Variants in MAP3K2 observed in about 807,000 individuals in gnomAD.
The protein encoded by MAP3K2 is MAP/ERK kinase kinase 2.
A neutral mutation model predicts 80.3 loss-of-function variants in MAP3K2; 24 were observed. That is an observed-to-expected ratio of 0.30 (90% CI 0.22 to 0.42). The LOEUF (loss-of-function observed/expected upper bound fraction) is 0.42, where lower values mean the gene tolerates loss of function less well. Among genes scored for constraint, MAP3K2 ranks in the 10% least tolerant of loss-of-function variants. The pLI is 1.00. For synonymous variants in MAP3K2, 244 were observed against 253.7 expected (o/e 0.96, Z 0.36); for missense variants, 608 against 750.1 (o/e 0.81, Z 2.21).
Position 127,387,763 on chromosome 2 carries a change from A to T in MAP3K2, c.-377T>A. On this transcript the variant is annotated 5_prime_UTR_variant, in exon 1 of 17. Coordinates refer to ENST00000682094, the MANE Select transcript of MAP3K2 (RefSeq NM_001371910.2). ...GAGGCCCGCGGGAACTGGGCAGGAA[A>T]GGAGGAAGCCGCGGGCCCGCGTCGC... The T allele has an allele frequency of 4.1e-6, 4 of 985,072 alleles. No homozygotes were observed. Among genetic ancestry groups the T allele is most frequent in the Non-Finnish European group, 4.8e-6 (4 of 829,764 alleles). The allele number at this position is 985,072 out of a possible 1,614,324, so 61.0% of individuals were successfully genotyped here. A position where few individuals can be genotyped will look rare whatever the true frequency, so the allele number is the denominator to read the frequency against.
At position 127,343,161 on chromosome 2, in the gene MAP3K2, G is replaced by C. The variant is rs1426004212; in HGVS notation, c.-32C>G. ...AAACAGCTCAACAATTTGAAAATTA[G>C]GAAAATGGTTCTCCCATCAGCATTC... On this transcript the variant is annotated 5_prime_UTR_variant, in exon 2 of 17. Coordinates refer to ENST00000682094, the MANE Select transcript of MAP3K2 (RefSeq NM_001371910.2). 1.3e-6 allele frequency: 2 copies of C among 1,544,318 alleles called. No homozygotes were observed. The highest frequency in any genetic ancestry group is 2.4e-5 in the South Asian group (2 of 83,314).
intron 14 of MAP3K2, among the ~76,000 whole-genome samples, chr2:127,315,155 A>G (rs754265294): frequency 5.6e-4 from 85 of 152,350 alleles, no homozygotes; most frequent in Non-Finnish European, 9.1e-4. Context: ...AGTTCGAAAC[A>G]TGAGAACATA....
At position 127,301,560 on chromosome 2, in the gene MAP3K2, A is replaced by C. The variant is rs1685592858; in HGVS notation, c.*6019T>G. ...ATTATTTTGGCTATGTGTACAGGGAATATAAAAGCTTTGGTTTAAAGTGAT... is the reference window on the plus strand; with the variant it reads ...ATTATTTTGGCTATGTGTACAGGGACTATAAAAGCTTTGGTTTAAAGTGAT... On this transcript the variant is annotated 3_prime_UTR_variant, in exon 17 of 17. Transcript: ENST00000682094. The C allele has an allele frequency of 6.6e-6, 1 of 152,222 alleles. No individual in the cohort carries two copies. The highest frequency in any genetic ancestry group is 2.1e-4 in the South Asian group (1 of 4,832). 9.4% of individuals were successfully genotyped at this position (152,222 alleles called of 1,614,324 possible).
chr2:127,354,474 T>C (rs1302216041), intron 1 of MAP3K2, among the ~76,000 whole-genome samples: 1 of 152,078 alleles, frequency 6.6e-6, no homozygotes, highest in Non-Finnish European at 1.5e-5. Context: ...ATCATGATTG[T>C]CAGACTGTCA....
At chr2:127,319,262 CCT>C (rs1685967711) in intron 12 of MAP3K2, among the ~76,000 whole-genome samples, 2 of 151,642 alleles carry the variant, frequency 1.3e-5, no homozygotes, top group Non-Finnish European at 2.9e-5. Context: ...AAACCCTACC[CCT>C]GAGAGAGAGG....
intron 1 of MAP3K2, among the ~76,000 whole-genome samples, chr2:127,348,403 C>A (rs1266790602): frequency 3.3e-5 from 5 of 151,952 alleles, no homozygotes; most frequent in Admixed American, 6.6e-5. Flanking sequence ...AATAAATAAA[C>A]AAATAAATAA....
chr2:127,359,620 G>C (rs1686852036), intron 1 of MAP3K2, among the ~76,000 whole-genome samples: 1 of 152,210 alleles, frequency 6.6e-6, no homozygotes, highest in African/African-American at 2.4e-5. Flanking sequence ...ATGTTGAAAT[G>C]TAAGCCCCAA....
chr2:127,361,417 AAAAG>A (rs1287624725), intron 1 of MAP3K2, among the ~76,000 whole-genome samples: 4 of 152,188 alleles, frequency 2.6e-5, no homozygotes, highest in Admixed American at 2.6e-4. Context: ...CAGAATGAAT[AAAAG>A]AAATAATACT....
chr2:127,377,520 A>G (rs1442257609), intron 1 of MAP3K2, among the ~76,000 whole-genome samples: 1 of 152,146 alleles, frequency 6.6e-6, no homozygotes, highest in Non-Finnish European at 1.5e-5. Context: ...AATATGAGCA[A>G]TGTGGAGGCA....
rs761090455 is a variant in MAP3K2 at position 127,322,203 on chromosome 2, C to T, written c.888G>A (p.Arg296=). 2.5e-6 allele frequency: 4 copies of T among 1,613,840 alleles called. No homozygotes were observed. In the East Asian group the frequency reaches 8.9e-5, roughly 36 times the overall value. Residue 296 remains arginine, a synonymous_variant, in exon 12 of 17, where the codon CGG becomes CGA. Coordinates refer to ENST00000682094, the MANE Select transcript of MAP3K2 (RefSeq NM_001371910.2). This position sits in a 1 kb window ranked among gnomAD's most constrained non-coding sequence, Gnocchi z 4.2. ...CAGTAGGACTGAAACTCACAGGAGA[C>T]CGTAAGCTGGTCCCCTGGGTCCTTC... ...RARRTQGTSL[R]SPVSFSPTDH...
chr2:127,338,951 G>A lies in MAP3K2; in HGVS notation c.104C>T (p.Ser35Phe). The A allele has an allele frequency of 1.2e-6, 2 of 1,607,984 alleles. No individual in the cohort carries two copies. Among genetic ancestry groups the A allele is most frequent in the Non-Finnish European group, 8.5e-7 (1 of 1,177,096 alleles). ...LSLQETRKAK[S>F]SSPKKQNDVR... ...AAATACCTGTTTTTTTGGTGATGAA[G>A]ATTTTGCTTTTCTGGTTTCCTGCAA... Residue 35 changes from serine to phenylalanine, a missense_variant, in exon 3 of 17, where the codon TCT (serine) becomes TTT (phenylalanine). Physicochemically the swap from Ser to Phe is radical, Grantham distance 155 (BLOSUM62 -2). Transcript: ENST00000682094.
At chr2:127,375,890 T>A (rs1687143443) in intron 1 of MAP3K2, among the ~76,000 whole-genome samples, 1 of 151,964 alleles carries the variant, frequency 6.6e-6, no homozygotes, top group Non-Finnish European at 1.5e-5. Flanking sequence ...AGTAACAATA[T>A]AGGTCACTCC....
intron 1 of MAP3K2, among the ~76,000 whole-genome samples, chr2:127,355,364 G>A (rs1232217812): frequency 6.6e-6 from 1 of 152,084 alleles, no homozygotes; most frequent in African/African-American, 2.4e-5. Flanking sequence ...TAAAGTAAAG[G>A]TATACCTGAG....
In MAP3K2 at chr2:127,307,219, C is replaced by T. The variant is rs976598901; in HGVS notation, c.*360G>A. 6.4e-6 allele frequency: 1 copy of T among 155,796 alleles called. No individual in the cohort carries two copies. The highest frequency in any genetic ancestry group is 1.4e-5 in the Non-Finnish European group (1 of 70,302). 9.7% of individuals were successfully genotyped at this position (155,796 alleles called of 1,614,324 possible). A position where few individuals can be genotyped will look rare whatever the true frequency, so the allele number is the denominator to read the frequency against. ...CTTGTTTTCCATGTCTTCCCATCGT[C>T]ACTGATGTGTCAGTGATAGAGGGAA... On this transcript the variant is annotated 3_prime_UTR_variant, in exon 17 of 17. Coordinates refer to ENST00000682094, the MANE Select transcript of MAP3K2 (RefSeq NM_001371910.2). This position sits in a 1 kb window ranked among gnomAD's most constrained non-coding sequence, Gnocchi z 5.4.
intron 1 of MAP3K2, among the ~76,000 whole-genome samples, chr2:127,370,950 T>C (rs929000655): frequency 6.6e-6 from 1 of 152,172 alleles, no homozygotes. Context: ...ACAAGGGATA[T>C]GCTACAGCTG....
chr2:127,369,468 T>TAAAAA (rs70985451), intron 1 of MAP3K2, among the ~76,000 whole-genome samples: 28 of 32,738 alleles, frequency 8.6e-4, no homozygotes, highest in Non-Finnish European at 1.3e-3. Flanking sequence ...CCGTCTCTAC[T>TAAAAA]AAAAAAAAAA....
rs143835170 is a variant in MAP3K2, at chr2:127,308,351, G to A, written c.1634+234C>T. Among the ~76,000 whole-genome samples, 516 of 152,304 alleles carry A rather than the reference G, an allele frequency of 3.4e-3. 2 individuals carry two copies. Among genetic ancestry groups the A allele is most frequent in the Non-Finnish European group, 5.4e-3 (368 of 68,024 alleles). On this transcript the variant is annotated intron_variant, in intron 16 of 16. Transcript: ENST00000682094. ...TAGCAAAAAGCTTTTTAATGCTGAG[G>A]TTTGCTCACGACAAAATCCTTCCTA...
chr2:127,343,021 A>T lies in MAP3K2; in HGVS notation c.4+105T>A, dbSNP rs1686527810. 4 of 816,112 alleles carry T rather than the reference A, an allele frequency of 4.9e-6. No individual in the cohort carries two copies. The East Asian group carries it at 1.1e-4, about 22-fold the overall frequency. 50.6% of individuals were successfully genotyped at this position (816,112 alleles called of 1,614,324 possible). A position where few individuals can be genotyped will look rare whatever the true frequency, so the allele number is the denominator to read the frequency against. ...ATTTCATAAATCTGCTATATCATAA[A>T]ATTTATTTATAAAAAGGTTTATAAT... On this transcript the variant is annotated intron_variant, in intron 2 of 16. Transcript: ENST00000682094.
chr2:127,303,554 C>T lies in MAP3K2; in HGVS notation c.*4025G>A, dbSNP rs965468918. 1.7e-4 allele frequency: 26 copies of T among 152,042 alleles called. No individual in the cohort carries two copies. Among genetic ancestry groups the T allele is most frequent in the African/African-American group, 6.3e-4 (26 of 41,410 alleles). The allele number at this position is 152,042 out of a possible 1,614,324, so 9.4% of individuals were successfully genotyped here. A position where few individuals can be genotyped will look rare whatever the true frequency, so the allele number is the denominator to read the frequency against. ...CAATGATTACCTAAAATTGCTTTTC[C>T]CTTAATAAAAAATAACATTTTAAAA... On this transcript the variant is annotated 3_prime_UTR_variant, in exon 17 of 17. Coordinates refer to ENST00000682094, the MANE Select transcript of MAP3K2 (RefSeq NM_001371910.2).
Sources: gnomAD v4.1 joint callset for allele counts (sites outside exome capture counted in the v4.1 genomes callset) on GRCh38, gnomAD v4.1.1 for gene constraint, Gnocchi (gnomAD v3.1) non-coding constraint, MANE v1.5 for transcripts, NCBI Gene and HGNC (gene_info 2026-07-23, HGNC 2026-07-21) for gene names.